The following AHRR variants were observed in gnomAD, a reference collection of about 807,000 sequenced individuals.
AHRR encodes aryl hydrocarbon receptor repressor.
A neutral mutation model predicts 44.0 loss-of-function variants in AHRR; 28 were observed. That is an observed-to-expected ratio of 0.64 (90% CI 0.47 to 0.87). The LOEUF is 0.87. Ranked by LOEUF, AHRR falls within the 40% of genes least tolerant of loss-of-function variation. AHRR has a pLI of 0.00. For synonymous variants in AHRR, 434 were observed against 407.0 expected, an observed-to-expected ratio of 1.07 and a Z score of -0.80; for missense variants, 990 against 953.9, an observed-to-expected ratio of 1.04 and a Z score of -0.50.
rs551961729 is a variant in AHRR, at chr5:400,101, G to A, written c.352-13243G>A. ...GTTGTGGCTCCGTAACCGTGGCAAC[G>A]GCTCTCAGGGGAGCACAATACTCCC... On this transcript the variant is annotated intron_variant, in intron 4 of 10. Coordinates refer to ENST00000684583, the MANE Select transcript of AHRR (RefSeq NM_001377236.1). Among the ~76,000 whole-genome samples the A allele has an allele frequency of 7.2e-5, 11 of 152,256 alleles. No individual in the cohort carries two copies. The South Asian group carries it at 1.7e-3, about 23-fold the overall frequency.
At chr5:414,334 C>T (rs760357935) in intron 5 of AHRR, among the ~76,000 whole-genome samples, 7 of 151,940 alleles carry the variant, frequency 4.6e-5, no homozygotes, top group African/African-American at 1.7e-4. Flanking sequence ...TTTTTTTTGT[C>T]TGGGGAGGAG....
rs533124279 is a variant in AHRR at position 401,994 on chromosome 5, C to A, written c.352-11350C>A. Among the ~76,000 whole-genome samples the A allele has an allele frequency of 2.0e-5, 3 of 152,236 alleles. No individual in the cohort carries two copies. In the South Asian group the frequency reaches 6.2e-4, roughly 32 times the overall value. ...AAAACTTTTGCCCAGCAAAGGAAAC[C>A]GTCAACACAATGAAGAGGCAGCCTA... On this transcript the variant is annotated intron_variant, in intron 4 of 10. Transcript: ENST00000684583.
chr5:332,255 T>G (rs1261798317), intron 1 of AHRR, among the ~76,000 whole-genome samples: 1 of 147,734 alleles, frequency 6.8e-6, no homozygotes, highest in Non-Finnish European at 1.5e-5. Context: ...AAGAAAAATC[T>G]GTTAAGACTT....
rs188195472 is a variant in AHRR at position 329,009 on chromosome 5, C to T, written c.-11+7190C>T. Among the ~76,000 whole-genome samples, 130 of 152,200 alleles carry T rather than the reference C, an allele frequency of 8.5e-4. 1 individual carries two copies. The highest frequency in any genetic ancestry group is 3.0e-3 in the African/African-American group (125 of 41,514). ...TAATCCTCAGGTGTTTAGGGAGAGA[C>T]CTGGTGGGAAGTGATTGGATTATGG... On this transcript the variant is annotated intron_variant, in intron 1 of 10. Coordinates refer to ENST00000684583, the MANE Select transcript of AHRR (RefSeq NM_001377236.1).
rs1386265880 is a variant in AHRR, at chr5:324,454, A to T, written c.-11+2635A>T. ...TTAATAAAAATATATTCATTTATAT[A>T]AAAAAATTAAAAAAAAAAAGAACTG... On this transcript the variant is annotated intron_variant, in intron 1 of 10. Coordinates refer to ENST00000684583, the MANE Select transcript of AHRR (RefSeq NM_001377236.1). Among the ~76,000 whole-genome samples, 3 of 139,854 alleles carry T rather than the reference A, an allele frequency of 2.1e-5. No individual in the cohort carries two copies. The East Asian group carries it at 5.8e-4, about 27-fold the overall frequency. The allele number at this position is 139,854 out of a possible 152,430, so 91.7% of individuals were successfully genotyped here. A position where few individuals can be genotyped will look rare whatever the true frequency, so the allele number is the denominator to read the frequency against.
rs116483579 is a variant in AHRR, at chr5:419,614, C to T, written c.442-3115C>T. Among the ~76,000 whole-genome samples the T allele has an allele frequency of 0.021, 3,261 of 152,230 alleles. 69 individuals are homozygous for T. Among genetic ancestry groups the T allele is most frequent in the Admixed American group, 0.052 (801 of 15,282 alleles). On this transcript the variant is annotated intron_variant, in intron 5 of 10. Transcript: ENST00000684583. This position sits in a 1 kb window ranked among gnomAD's most constrained non-coding sequence, Gnocchi z 4.4. Reference sequence around the variant, plus strand: ...CCCTAAAACGTGTCAAGAGCTCGCACAGGAGTGTTTGGAGCCATATTTCCC... The same window carrying T: ...CCCTAAAACGTGTCAAGAGCTCGCATAGGAGTGTTTGGAGCCATATTTCCC...
intron 8 of AHRR, 138 bp downstream of exon 8, chr5:428,144 T>C (rs1736555272): frequency 4.0e-6 from 4 of 1,003,190 alleles, no homozygotes; most frequent in Non-Finnish European, 5.9e-6. Flanking sequence ...TAAAAGTCAT[T>C]ACACAACATA....
At position 419,705 on chromosome 5, in the gene AHRR, G is replaced by A. The variant is rs1186048432; in HGVS notation, c.442-3024G>A. Among the ~76,000 whole-genome samples, 4 of 152,106 alleles carry A rather than the reference G, an allele frequency of 2.6e-5. No individual in the cohort carries two copies. The East Asian group carries it at 5.8e-4, about 22-fold the overall frequency. ...CTTACTGCACAGGGACCAACAGGCC[G>A]GCCCATAAGAGCTGATGGGGTTGGT... On this transcript the variant is annotated intron_variant, in intron 5 of 10. Coordinates refer to ENST00000684583, the MANE Select transcript of AHRR (RefSeq NM_001377236.1). The surrounding 1 kb of genome is among the most constrained non-coding windows in gnomAD (Gnocchi z 4.4).
chr5:375,858 T>C lies in AHRR; in HGVS notation c.245-752T>C, dbSNP rs1170999151. ...GCTGGGTCCGGAACTCAGCCCTTGGTCAGTCTGGAAGGTGAACGTGTCATC... is the reference window on the plus strand; with the variant it reads ...GCTGGGTCCGGAACTCAGCCCTTGGCCAGTCTGGAAGGTGAACGTGTCATC... On this transcript the variant is annotated intron_variant, in intron 3 of 10. Transcript: ENST00000684583. Among the ~76,000 whole-genome samples the C allele has an allele frequency of 2.6e-5, 4 of 152,138 alleles. 1 individual carries two copies.
intron 1 of AHRR, among the ~76,000 whole-genome samples, chr5:336,188 G>A (rs1283147235): frequency 2.0e-5 from 3 of 152,134 alleles, no homozygotes; most frequent in Non-Finnish European, 4.4e-5. Flanking sequence ...CCTGTGTCAG[G>A]GACTGCATGA....
chr5:373,952 CG>C (rs1044652780), intron 3 of AHRR, among the ~76,000 whole-genome samples: 2 of 150,518 alleles, frequency 1.3e-5, no homozygotes, highest in East Asian at 2.0e-4. Context: ...CGGGCGCCCG[CG>C]GGGGGCACGC....
rs532066343 is a variant in AHRR, at chr5:399,466, C to G, written c.352-13878C>G. Among the ~76,000 whole-genome samples, 149 of 152,358 alleles carry G rather than the reference C, an allele frequency of 9.8e-4. 1 individual carries two copies. The highest frequency in any genetic ancestry group is 3.4e-3 in the African/African-American group (143 of 41,590). ...AGAAAATGACATCAACTTTAGACGT[C>G]AGATTGCCTGTCCAGCACAGCCATT... is the stretch of plus-strand genomic sequence containing the variant. On this transcript the variant is annotated intron_variant, in intron 4 of 10. Coordinates refer to ENST00000684583, the MANE Select transcript of AHRR (RefSeq NM_001377236.1).
Position 427,063 on chromosome 5 carries a change from GTGGA to G in AHRR, c.709-727_709-724del, listed in dbSNP as rs535796325. Reference sequence around the variant, plus strand: ...GATGGATGGGTGGGTGGATGGATGGGTGGATGGATGGATGGATGGAAAGATAGAT... The same window carrying G: ...GATGGATGGGTGGGTGGATGGATGGGTGGATGGATGGATGGAAAGATAGAT... On this transcript the variant is annotated intron_variant, in intron 7 of 10. Transcript: ENST00000684583. 1.2e-3 allele frequency among the ~76,000 whole-genome samples: 187 copies of G among 150,242 alleles called. 1 individual carries two copies. The highest frequency in any genetic ancestry group is 6.9e-3 in the Middle Eastern group (2 of 288).
intron 1 of AHRR, among the ~76,000 whole-genome samples, chr5:325,635 C>T (rs1383295119): frequency 3.3e-5 from 5 of 152,162 alleles, no homozygotes; most frequent in Admixed American, 6.5e-5. Flanking sequence ...TCCCACCCTC[C>T]GCACCACCTC....
At chr5:409,134 A>G (rs890169447) in intron 4 of AHRR, among the ~76,000 whole-genome samples, 13 of 152,194 alleles carry the variant, frequency 8.5e-5, no homozygotes, top group African/African-American at 1.7e-4. Context: ...TGTTTTTGCA[A>G]TTCATCAATG....
intron 4 of AHRR, among the ~76,000 whole-genome samples, chr5:380,864 T>G (rs571114236): frequency 6.6e-6 from 1 of 152,338 alleles, no homozygotes; most frequent in South Asian, 2.1e-4. Flanking sequence ...ATAGGCTGTC[T>G]GCAAGCTGGA....
intron 7 of AHRR, 133 bp from the exon 8 acceptor site, chr5:427,674 G>A (rs1432888453): frequency 3.1e-6 from 5 of 1,613,406 alleles, no homozygotes; most frequent in African/African-American, 1.3e-5. Flanking sequence ...CGGCTCTGCT[G>A]TCCCGAGCCA....
intron 6 of AHRR, 61 bp downstream of exon 6, chr5:422,919 T>A: frequency 4.0e-5 from 61 of 1,534,926 alleles, no homozygotes; most frequent in Non-Finnish European, 5.3e-5. Context: ...AACACATCGC[T>A]GCCTCTGGAA....
At chr5:391,184 A>G (rs1217166556) in intron 4 of AHRR, among the ~76,000 whole-genome samples, 3 of 152,228 alleles carry the variant, frequency 2.0e-5, no homozygotes, top group African/African-American at 7.2e-5. Context: ...GCAAAGATGC[A>G]AGCAACTCCA....
Sources: gnomAD v4.1 joint callset for allele counts (sites outside exome capture counted in the v4.1 genomes callset) on GRCh38, gnomAD v4.1.1 for gene constraint, Gnocchi (gnomAD v3.1) non-coding constraint, MANE v1.5 for transcripts, NCBI Gene and HGNC (gene_info 2026-07-23, HGNC 2026-07-21) for gene names.